ABTB3: variants seen among roughly 807,000 people sequenced by gnomAD.
The protein encoded by ABTB3 is ankyrin repeat- and BTB/POZ domain-containing protein 3.
At chr12:107,339,671 G>A in the ABTB3 span, among the ~76,000 whole-genome samples, 6 of 131,236 alleles carry the variant, frequency 4.6e-5, no homozygotes, top group African/African-American at 2.2e-4. Flanking sequence ...GCTTGTGTGT[G>A]TGCATGCACG....
chr12:107,618,264 C>A, the ABTB3 span: 82 of 1,613,500 alleles, frequency 5.1e-5, no homozygotes, highest in Non-Finnish European at 6.3e-5. Context: ...GACAGCCCCG[C>A]CCCCCTTGTG....
At chr12:107,620,045 C>T in the ABTB3 span, 10 of 1,614,078 alleles carry the variant, frequency 6.2e-6, no homozygotes, top group African/African-American at 2.7e-5. Flanking sequence ...CCAGCAGCAC[C>T]GCAGGCCTCT....
the ABTB3 span, among the ~76,000 whole-genome samples, chr12:107,387,700 G>A: frequency 8.1e-4 from 123 of 152,208 alleles, no homozygotes; most frequent in East Asian, 0.02. Flanking sequence ...AGTACATCTC[G>A]TCCCTGGGAC....
At chr12:107,443,762 AGGT>A in the ABTB3 span, among the ~76,000 whole-genome samples, 1 of 152,058 alleles carries the variant, frequency 6.6e-6, no homozygotes, top group Non-Finnish European at 1.5e-5. Flanking sequence ...GTCTGAGAGG[AGGT>A]GGTGGAGACC....
At chr12:107,476,223 A>G in the ABTB3 span, among the ~76,000 whole-genome samples, 3 of 152,154 alleles carry the variant, frequency 2.0e-5, no homozygotes, top group Non-Finnish European at 4.4e-5. Context: ...TTCCTGGGGC[A>G]CAGTGAAATG....
At chr12:107,424,120 T>C in the ABTB3 span, among the ~76,000 whole-genome samples, 1 of 152,146 alleles carries the variant, frequency 6.6e-6, no homozygotes, top group South Asian at 2.1e-4. Context: ...ACTTAAGTGG[T>C]GTGAAAAACA....
the ABTB3 span, among the ~76,000 whole-genome samples, chr12:107,425,213 C>T: frequency 1.5e-4 from 23 of 152,196 alleles, no homozygotes; most frequent in Non-Finnish European, 2.8e-4. Flanking sequence ...CCAGCCCCTC[C>T]ACCGGAGTGC....
chr12:107,318,941 AT>A, the ABTB3 span: 1 of 1,593,392 alleles, frequency 6.3e-7, no homozygotes, highest in Non-Finnish European at 8.6e-7. Flanking sequence ...TGGCGCAGCG[AT>A]GGCCAGGAGA....
chr12:107,462,101 T>C, the ABTB3 span, among the ~76,000 whole-genome samples: 1 of 152,216 alleles, frequency 6.6e-6, no homozygotes, highest in African/African-American at 2.4e-5. Flanking sequence ...AGTTTAGAAA[T>C]TCCTTAGTAG....
chr12:107,510,555 A>AATAT, the ABTB3 span, among the ~76,000 whole-genome samples: 1 of 152,130 alleles, frequency 6.6e-6, no homozygotes, highest in East Asian at 1.9e-4. Context: ...ATAAAGAAGA[A>AATAT]ATAAAACAGA....
At chr12:107,519,302 TTTTTC>T in the ABTB3 span, among the ~76,000 whole-genome samples, 8 of 150,464 alleles carry the variant, frequency 5.3e-5, no homozygotes, top group East Asian at 1.9e-4. Flanking sequence ...ATGTTTTTCT[TTTTTC>T]TTTTCTTTTC....
the ABTB3 span, among the ~76,000 whole-genome samples, chr12:107,587,692 A>C: frequency 6.6e-6 from 1 of 152,210 alleles, no homozygotes; most frequent in African/African-American, 2.4e-5. Context: ...GGTGTTCTCA[A>C]ATAAAAAAAT....
the ABTB3 span, among the ~76,000 whole-genome samples, chr12:107,634,453 A>C: frequency 6.6e-6 from 1 of 152,198 alleles, no homozygotes; most frequent in Non-Finnish European, 1.5e-5. Context: ...ACATGGTACA[A>C]ACTGTGTTGT....
the ABTB3 span, among the ~76,000 whole-genome samples, chr12:107,457,288 AG>A: frequency 6.6e-6 from 1 of 152,196 alleles, no homozygotes; most frequent in Non-Finnish European, 1.5e-5. Context: ...TTTTAATCCA[AG>A]GGTGTGGAAC....
chr12:107,601,371 G>C, the ABTB3 span, among the ~76,000 whole-genome samples: 2 of 152,248 alleles, frequency 1.3e-5, no homozygotes, highest in East Asian at 3.9e-4. Context: ...CTCCTCCCAA[G>C]AGAGGATCCA....
At chr12:107,446,430 C>T in the ABTB3 span, among the ~76,000 whole-genome samples, 1 of 152,110 alleles carries the variant, frequency 6.6e-6, no homozygotes, top group African/African-American at 2.4e-5. Flanking sequence ...GGGGACCAGG[C>T]ACATTTTTGG....
chr12:107,321,904 T>C, the ABTB3 span, among the ~76,000 whole-genome samples: 2 of 152,168 alleles, frequency 1.3e-5, no homozygotes, highest in Admixed American at 1.3e-4. Flanking sequence ...TCTCCCTCAG[T>C]ATTTCCTTTG....
the ABTB3 span, among the ~76,000 whole-genome samples, chr12:107,608,893 T>TAAAATA: frequency 9.5e-5 from 8 of 84,280 alleles, no homozygotes; most frequent in East Asian, 6.6e-4. Context: ...TAAAATAAAA[T>TAAAATA]AAATAAAATA....
chr12:107,564,088 C>CTGTGTGTG, the ABTB3 span, among the ~76,000 whole-genome samples: 200 of 138,054 alleles, frequency 1.4e-3, 2 homozygotes, highest in East Asian at 5.2e-3. Flanking sequence ...CTATCTATCT[C>CTGTGTGTG]TCTGTGTGTG....
Sources: allele counts gnomAD v4.1 joint callset (sites outside exome capture counted in the v4.1 genomes callset), GRCh38; gene constraint gnomAD v4.1.1; transcripts MANE v1.5; gene names NCBI Gene and HGNC (gene_info 2026-07-23, HGNC 2026-07-21).